Variants in LYPLAL1 observed in about 807,000 individuals in gnomAD.
LYPLAL1 encodes lysophospholipase-like protein 1.
LYPLAL1 carries 23 observed loss-of-function variants against 19.7 expected under a neutral mutation model. The ratio of observed to expected loss-of-function variants is 1.17; its 90% CI spans 0.84 to 1.65. LYPLAL1 has a LOEUF of 1.65. Among genes scored for constraint, LYPLAL1 ranks in the 40% most tolerant of loss-of-function variants. LYPLAL1 has a pLI of 0.00. For missense variants in LYPLAL1, 355 were observed against 279.4 expected, an observed-to-expected ratio of 1.27 and a Z score of -1.93; for synonymous variants, 119 against 96.3, an observed-to-expected ratio of 1.24 and a Z score of -1.38.
chr1:219,279,951 A>G, the LYPLAL1 span, among the ~76,000 whole-genome samples: 846 of 152,356 alleles, frequency 5.6e-3, 10 homozygotes, highest in South Asian at 6.0e-3. Context: ...AGAAGAAATT[A>G]CAAATAGGCT....
the LYPLAL1 span, among the ~76,000 whole-genome samples, chr1:219,362,936 A>T: frequency 6.6e-6 from 1 of 152,058 alleles, no homozygotes; most frequent in East Asian, 1.9e-4. Flanking sequence ...CAGGAAGGGG[A>T]TAGATGGATG....
At chr1:219,234,834 C>T in the LYPLAL1 span, among the ~76,000 whole-genome samples, 1 of 151,912 alleles carries the variant, frequency 6.6e-6, no homozygotes, top group Admixed American at 6.6e-5. Flanking sequence ...TTGAGCAGTC[C>T]CTAAGACAAG....
chr1:219,178,869 A>T (rs1656029922), intron 1 of LYPLAL1, among the ~76,000 whole-genome samples: 1 of 148,108 alleles, frequency 6.8e-6, no homozygotes, highest in Admixed American at 6.7e-5. Context: ...TGTACTACCC[A>T]CTAAACAAAT....
the LYPLAL1 span, among the ~76,000 whole-genome samples, chr1:219,423,411 C>T: frequency 2.0e-5 from 3 of 152,254 alleles, no homozygotes; most frequent in Middle Eastern, 3.4e-3. Context: ...GAATGTGTTT[C>T]GTTTTGCTAT....
At chr1:219,191,337 C>T (rs1657166287) in intron 2 of LYPLAL1, among the ~76,000 whole-genome samples, 1 of 151,544 alleles carries the variant, frequency 6.6e-6, no homozygotes. Flanking sequence ...TGGCTAAAAG[C>T]TGGGTACCAA....
the LYPLAL1 span, among the ~76,000 whole-genome samples, chr1:219,304,963 G>A: frequency 6.6e-6 from 1 of 152,228 alleles, no homozygotes; most frequent in East Asian, 1.9e-4. Flanking sequence ...TCCTAAAGGA[G>A]AAACATTCTG....
intron 3 of LYPLAL1, among the ~76,000 whole-genome samples, chr1:219,202,613 G>C (rs1000288909): frequency 2.0e-5 from 3 of 152,170 alleles, no homozygotes; most frequent in African/African-American, 7.2e-5. Flanking sequence ...GGAAATAAAA[G>C]AAAAATGCAT....
At chr1:219,302,203 C>T in the LYPLAL1 span, among the ~76,000 whole-genome samples, 1 of 152,190 alleles carries the variant, frequency 6.6e-6, no homozygotes, top group Non-Finnish European at 1.5e-5. Context: ...GTACTTACCT[C>T]AGCTCAGAGG....
At chr1:219,312,427 A>T in the LYPLAL1 span, among the ~76,000 whole-genome samples, 2 of 152,054 alleles carry the variant, frequency 1.3e-5, no homozygotes, top group African/African-American at 4.8e-5. Flanking sequence ...CACATATCAC[A>T]TCATTTTTGG....
chr1:219,220,275 C>A, the LYPLAL1 span, among the ~76,000 whole-genome samples: 6 of 152,130 alleles, frequency 3.9e-5, no homozygotes, highest in Admixed American at 3.9e-4. Context: ...TAGCCATTAT[C>A]TTTTTGATCT....
At chr1:219,268,009 T>C in the LYPLAL1 span, among the ~76,000 whole-genome samples, 1 of 152,184 alleles carries the variant, frequency 6.6e-6, no homozygotes, top group Non-Finnish European at 1.5e-5. Context: ...TAGTAACTGG[T>C]CCAAAACACC....
chr1:219,223,421 C>T, the LYPLAL1 span, among the ~76,000 whole-genome samples: 12 of 152,218 alleles, frequency 7.9e-5, no homozygotes, highest in African/African-American at 2.6e-4. Context: ...TGTTTTCTAG[C>T]CCTTGAGTAC....
the LYPLAL1 span, among the ~76,000 whole-genome samples, chr1:219,400,187 A>G: frequency 6.7e-6 from 1 of 148,244 alleles, no homozygotes; most frequent in Non-Finnish European, 1.5e-5. Context: ...CCCTCTGACC[A>G]CTCTCAGTGC....
chr1:219,217,395 TGTGTGTGTGTGTGAGA>T (rs1427232027), downstream of LYPLAL1, among the ~76,000 whole-genome samples: 1 of 135,334 alleles, frequency 7.4e-6, no homozygotes, highest in African/African-American at 2.6e-5. Flanking sequence ...TGTGTGTGTG[TGTGTGTGTGTGTGAGA>T]GATGGTTGTA....
chr1:219,266,652 G>A, the LYPLAL1 span, among the ~76,000 whole-genome samples: 1 of 152,110 alleles, frequency 6.6e-6, no homozygotes, highest in South Asian at 2.1e-4. Context: ...TTATACAACT[G>A]GCAGCATAGT....
the LYPLAL1 span, among the ~76,000 whole-genome samples, chr1:219,414,310 A>T: frequency 6.6e-6 from 1 of 152,216 alleles, no homozygotes; most frequent in Non-Finnish European, 1.5e-5. Context: ...CGTTACTTGC[A>T]CTGCTTGGTG....
At chr1:219,205,738 T>A (rs1209931382) in intron 3 of LYPLAL1, among the ~76,000 whole-genome samples, 1 of 152,142 alleles carries the variant, frequency 6.6e-6, no homozygotes, top group Non-Finnish European at 1.5e-5. Context: ...CTTGTACACG[T>A]TTTCTCTATA....
At chr1:219,340,173 A>C in the LYPLAL1 span, among the ~76,000 whole-genome samples, 4 of 152,080 alleles carry the variant, frequency 2.6e-5, no homozygotes, top group Non-Finnish European at 4.4e-5. Flanking sequence ...AATACTTATA[A>C]CCAATTACTA....
chr1:219,375,713 A>T, the LYPLAL1 span, among the ~76,000 whole-genome samples: 7 of 151,508 alleles, frequency 4.6e-5, no homozygotes, highest in African/African-American at 1.7e-4. Context: ...AGAAAAACCA[A>T]ATTGGAGTTT....
Sources: allele counts gnomAD v4.1 joint callset (sites outside exome capture counted in the v4.1 genomes callset), GRCh38; gene constraint gnomAD v4.1.1; transcripts MANE v1.5; gene names NCBI Gene and HGNC (gene_info 2026-07-23, HGNC 2026-07-21).